The following PDCD6 variants were observed in gnomAD, a reference collection of about 807,000 sequenced individuals.
PDCD6 encodes the protein programmed cell death 6.
PDCD6 carries 12 observed loss-of-function variants against 28.3 expected under a neutral mutation model. The observed-to-expected ratio is 0.42, with a 90% CI of 0.27 to 0.69. PDCD6 has a LOEUF of 0.69. Ranked by LOEUF, PDCD6 falls within the 30% of genes least tolerant of loss-of-function variation. The probability of loss-of-function intolerance (pLI) is 0.22; values close to 1 mark genes in which losing one functional copy is unlikely to be tolerated. For synonymous variants in PDCD6, 92 were observed against 108.0 expected (o/e 0.85, Z 0.92); for missense variants, 226 against 269.9 (o/e 0.84, Z 1.14).
At chr5:276,394 T>C (rs2126682617) in intron 2 of PDCD6, 1 of 1,005,286 alleles carries the variant, frequency 9.9e-7, no homozygotes, top group East Asian at 1.1e-4. Flanking sequence ...ATAGTTGTGT[T>C]GTATGTACAG....
intron 2 of PDCD6, chr5:275,930 G>A (rs975369405): frequency 2.8e-4 from 282 of 998,588 alleles, no homozygotes; most frequent in Non-Finnish European, 3.6e-4. Context: ...TGTCTCAGCC[G>A]AGCCACTCTG....
intron 2 of PDCD6, among the ~76,000 whole-genome samples, chr5:301,917 G>A (rs1347627010): frequency 4.5e-4 from 67 of 150,070 alleles, no homozygotes; most frequent in Non-Finnish European, 7.7e-4. Flanking sequence ...ACCTGCCTTT[G>A]TGGGAAGAGC....
intron 2 of PDCD6, among the ~76,000 whole-genome samples, chr5:296,785 C>T (rs1473082826): frequency 2.6e-5 from 4 of 152,074 alleles, no homozygotes; most frequent in Non-Finnish European, 5.9e-5. Context: ...TGGGGGGGCC[C>T]GTCGAGGCCC....
At chr5:297,641 C>T (rs572367669) in intron 2 of PDCD6, among the ~76,000 whole-genome samples, 134 of 152,188 alleles carry the variant, frequency 8.8e-4, no homozygotes, top group African/African-American at 3.0e-3. Context: ...CACCTGTGCC[C>T]GTGGTGAGAA....
intron 2 of PDCD6, chr5:276,026 C>G: frequency 7.8e-7 from 1 of 1,282,178 alleles, no homozygotes; most frequent in South Asian, 1.2e-5. Context: ...AAGCCCCACC[C>G]GCCCTTCAGG....
At chr5:290,696 A>G (rs1374341669) in intron 2 of PDCD6, among the ~76,000 whole-genome samples, 4 of 152,238 alleles carry the variant, frequency 2.6e-5, no homozygotes, top group South Asian at 4.1e-4. Flanking sequence ...AGTTCTGGCA[A>G]TTGAGTCCGT....
intron 2 of PDCD6, among the ~76,000 whole-genome samples, chr5:278,582 G>A (rs553086638): frequency 4.6e-5 from 7 of 151,234 alleles, no homozygotes; most frequent in East Asian, 3.9e-4. Flanking sequence ...GTATGGTGGC[G>A]TGCATCTGTA....
intron 2 of PDCD6, chr5:290,078 T>G: frequency 6.3e-7 from 1 of 1,582,030 alleles, no homozygotes; most frequent in Non-Finnish European, 8.7e-7. Flanking sequence ...CTTTCCTTCA[T>G]TTCATCAAAG....
intron 5 of PDCD6, among the ~76,000 whole-genome samples, chr5:312,634 T>C (rs1335894036): frequency 6.6e-6 from 1 of 152,092 alleles, no homozygotes; most frequent in Non-Finnish European, 1.5e-5. Flanking sequence ...ATTTTTACAA[T>C]GTTCTCTGAA....
chr5:312,492 A>G (rs1560866635), intron 5 of PDCD6: 1 of 152,210 alleles, frequency 6.6e-6, no homozygotes, highest in Non-Finnish European at 1.5e-5. Context: ...CTGATTTGGC[A>G]TGGATGCATC....
intron 2 of PDCD6, among the ~76,000 whole-genome samples, chr5:295,009 G>A (rs1739518836): frequency 6.6e-6 from 1 of 152,080 alleles, no homozygotes; most frequent in African/African-American, 2.4e-5. Flanking sequence ...GGTTTCGAGG[G>A]GCTACGGGTG....
intron 2 of PDCD6, among the ~76,000 whole-genome samples, chr5:303,041 C>A (rs548049015): frequency 3.3e-5 from 5 of 152,134 alleles, no homozygotes; most frequent in Non-Finnish European, 7.4e-5. Context: ...ATGTGGTACC[C>A]CCGTGGAAGT....
Position 307,865 on chromosome 5 carries a change from G to A in PDCD6, c.367+1105G>A, listed in dbSNP as rs144753056. On this transcript the variant is annotated intron_variant, in intron 4 of 5. Transcript: ENST00000264933. This position sits in a 1 kb window ranked among gnomAD's most constrained non-coding sequence, Gnocchi z 6.1. ...CTTTTCTTTCTCACCTTACGAGCTT[G>A]TCCACAGGGCCGGGGGTGGACACTG... 3.7e-3 allele frequency among the ~76,000 whole-genome samples: 557 copies of A among 152,220 alleles called. 4 individuals are homozygous for A. Among genetic ancestry groups the A allele is most frequent in the Middle Eastern group, 0.031 (9 of 294 alleles).
intron 2 of PDCD6, chr5:289,080 A>G: frequency 8.0e-7 from 1 of 1,251,760 alleles, no homozygotes; most frequent in Non-Finnish European, 1.2e-6. Context: ...CTCTTCATTC[A>G]CAGTTGAGGC....
chr5:301,469 C>T (rs913325241), intron 2 of PDCD6, among the ~76,000 whole-genome samples: 1 of 152,270 alleles, frequency 6.6e-6, no homozygotes, highest in Non-Finnish European at 1.5e-5. Context: ...TAATTCCGAC[C>T]TTTCTGAATA....
chr5:287,997 A>T (rs1436759008), intron 2 of PDCD6, among the ~76,000 whole-genome samples: 3 of 152,234 alleles, frequency 2.0e-5, no homozygotes, highest in African/African-American at 7.2e-5. Context: ...ATTTCCAAAA[A>T]TAAAGAATAT....
At chr5:288,309 T>TAC (rs139710056) in intron 2 of PDCD6, among the ~76,000 whole-genome samples, 1 of 125,060 alleles carries the variant, frequency 8.0e-6, no homozygotes, top group Non-Finnish European at 1.9e-5. Flanking sequence ...TATATATATA[T>TAC]ATACACATAT....
intron 2 of PDCD6, chr5:289,449 G>C: frequency 1.4e-6 from 1 of 697,164 alleles, no homozygotes; most frequent in South Asian, 1.7e-5. Context: ...CGCGCTGCCG[G>C]GTACAACGGC....
chr5:272,852 G>A, intron 2 of PDCD6, 80 bp downstream of exon 2: 1 of 1,540,640 alleles, frequency 6.5e-7, no homozygotes, highest in Non-Finnish European at 8.7e-7. Flanking sequence ...ACTTTCTGAA[G>A]TTGTTTTTCC....
Sources: allele counts gnomAD v4.1 joint callset (sites outside exome capture counted in the v4.1 genomes callset), GRCh38; gene constraint gnomAD v4.1.1; non-coding constraint Gnocchi (gnomAD v3.1); transcripts MANE v1.5; gene names NCBI Gene and HGNC (gene_info 2026-07-23, HGNC 2026-07-21).